RFX2: variants seen among roughly 807,000 people sequenced by gnomAD.
RFX2 encodes DNA-binding protein RFX2.
Under a neutral mutation model 87.8 loss-of-function variants are expected in RFX2, and 20 were observed. The observed-to-expected ratio is 0.23, with a 90% CI of 0.16 to 0.33. RFX2 has a LOEUF of 0.33. Ranked by LOEUF, RFX2 falls within the 10% of genes least tolerant of loss-of-function variation. RFX2 has a pLI of 1.00. For synonymous variants in RFX2, 397 were observed against 431.3 expected (o/e 0.92, Z 0.98); for missense variants, 767 against 1,012.3 (o/e 0.76, Z 3.29).
rs2087069756 is a variant in RFX2, at chr19:6,039,345, G to T, written c.522+635C>A. 6.6e-6 allele frequency among the ~76,000 whole-genome samples: 1 copy of T among 152,202 alleles called. No homozygotes were observed. Among genetic ancestry groups the T allele is most frequent in the Admixed American group, 6.5e-5 (1 of 15,284 alleles). ...GACTGCCAAGAAATACCACGAGGGG[G>T]TTTTCAGGGCAATGCACTGTTCTGT... On this transcript the variant is annotated intron_variant, in intron 5 of 17. Coordinates refer to ENST00000303657, the MANE Select transcript of RFX2 (RefSeq NM_000635.4). The surrounding 1 kb of genome is among the most constrained non-coding windows in gnomAD (Gnocchi z 5.2).
In RFX2 at chr19:6,017,278, G is replaced by T. The variant is rs1208545719; in HGVS notation, c.598-1007C>A. On this transcript the variant is annotated intron_variant, in intron 6 of 17. Coordinates refer to ENST00000303657, the MANE Select transcript of RFX2 (RefSeq NM_000635.4). This position sits in a 1 kb window ranked among gnomAD's most constrained non-coding sequence, Gnocchi z 4.1. ...AAAAGATGGGCTAAATGAGTCCCGAGCCAAGGACTATGCCTCGAGAGGTGA... is the reference window on the plus strand; with the variant it reads ...AAAAGATGGGCTAAATGAGTCCCGATCCAAGGACTATGCCTCGAGAGGTGA... 6.6e-6 allele frequency among the ~76,000 whole-genome samples: 1 copy of T among 152,174 alleles called. No individual in the cohort carries two copies. The highest frequency in any genetic ancestry group is 6.5e-5 in the Admixed American group (1 of 15,272).
intron 5 of RFX2, among the ~76,000 whole-genome samples, chr19:6,032,190 C>T (rs1284437113): frequency 2.0e-5 from 3 of 152,022 alleles, no homozygotes; most frequent in Middle Eastern, 3.2e-3. Context: ...GGCGCGATCT[C>T]GGCTCACTGC....
chr19:6,043,977 A>T (rs1042389772), intron 3 of RFX2, among the ~76,000 whole-genome samples: 2 of 152,216 alleles, frequency 1.3e-5, no homozygotes, highest in African/African-American at 4.8e-5. Flanking sequence ...TGAATGAACG[A>T]AAGATCACCA....
chr19:6,081,210 T>C (rs922874313), intron 1 of RFX2, among the ~76,000 whole-genome samples: 3 of 152,120 alleles, frequency 2.0e-5, no homozygotes, highest in Non-Finnish European at 2.9e-5. Flanking sequence ...AAAAAGTTCA[T>C]AATAAGTCTG....
In RFX2 at chr19:6,008,125, A is replaced by G; in HGVS notation, c.1115T>C (p.Val372Ala). Residue 372 changes from valine (V) to alanine (A), a missense_variant, in exon 10 of 18, where the codon GTG (valine) becomes GCG (alanine). Around this residue, in one of 2 missense-constraint regions of RFX2, gnomAD observed 621 missense variants for 873.0 expected, o/e 0.71. Transcript: ENST00000303657. ...GGTCACCTCGCAGTGCCGTCTGTAC[A>G]CCAGCTGCAGGGCCTTGACGTCGTG... ...TLHDVKALQL[V>A]YRRHCEATVD... 6.4e-7 allele frequency: 1 copy of G among 1,551,940 alleles called. No individual in the cohort carries two copies. Among genetic ancestry groups the G allele is most frequent in the Middle Eastern group, 1.7e-4 (1 of 5,896 alleles).
At chr19:6,018,200 C>A (rs1054658379) in intron 6 of RFX2, among the ~76,000 whole-genome samples, 1 of 152,182 alleles carries the variant, frequency 6.6e-6, no homozygotes. Flanking sequence ...GAATTCCTGA[C>A]CTCAGGTGAT....
chr19:6,064,553 A>C lies in RFX2; in HGVS notation c.-8-17049T>G, dbSNP rs575060067. On this transcript the variant is annotated intron_variant, in intron 1 of 17. Coordinates refer to ENST00000303657, the MANE Select transcript of RFX2 (RefSeq NM_000635.4). The surrounding 1 kb of genome is among the most constrained non-coding windows in gnomAD (Gnocchi z 4.8). ...AAATGACAAGTGACAGTTCCTCAGC[A>C]GTAGCATCTCCTGCTTTCTCAGCCT... 6.6e-5 allele frequency among the ~76,000 whole-genome samples: 10 copies of C among 152,354 alleles called. No individual in the cohort carries two copies. Among genetic ancestry groups the C allele is most frequent in the Middle Eastern group, 3.4e-3 (1 of 294 alleles).
intron 1 of RFX2, chr19:6,073,576 T>G: frequency 2.6e-6 from 1 of 383,516 alleles, no homozygotes; most frequent in Non-Finnish European, 4.6e-6. Context: ...CCATAAAAAC[T>G]GCAAAAAGAT....
chr19:6,010,297 T>C lies in RFX2; in HGVS notation c.900-46A>G. The C allele has an allele frequency of 7.6e-7, 1 of 1,321,184 alleles. No individual in the cohort carries two copies. The highest frequency in any genetic ancestry group is 1.1e-6 in the Non-Finnish European group (1 of 945,972). The allele number at this position is 1,321,184 out of a possible 1,614,324, so 81.8% of individuals were successfully genotyped here. On this transcript the variant is annotated intron_variant, in intron 8 of 17. Transcript: ENST00000303657. This position sits in a 1 kb window ranked among gnomAD's most constrained non-coding sequence, Gnocchi z 5.0. ...CCATCATGAGGCCCAGCAGCCCTGC[T>C]GCGGGTGGGCCCAAAGACTGGGGGG...
chr19:6,002,350 G>T lies in RFX2; in HGVS notation c.1651-327C>A, dbSNP rs1449896304. Among the ~76,000 whole-genome samples, 1 of 152,250 alleles carries T rather than the reference G, an allele frequency of 6.6e-6. No homozygotes were observed. The highest frequency in any genetic ancestry group is 2.4e-5 in the African/African-American group (1 of 41,474). The stretch of plus-strand genomic sequence containing the variant: ...TTTATTTATTTAATGGATAGACGCA[G>T]GGCCTGAAATAAGCATAGCTCGGAA... On this transcript the variant is annotated intron_variant, in intron 14 of 17. Transcript: ENST00000303657. The surrounding 1 kb of genome is among the most constrained non-coding windows in gnomAD (Gnocchi z 6.7).
rs2086652103 is a variant in RFX2 at position 6,010,942 on chromosome 19, C to A, written c.900-691G>T. 6.6e-6 allele frequency among the ~76,000 whole-genome samples: 1 copy of A among 152,022 alleles called. No homozygotes were observed. Among genetic ancestry groups the A allele is most frequent in the East Asian group, 1.9e-4 (1 of 5,186 alleles). ...GACCAGCCTGACCAACATGGAGTAACCCCGTCTCTACTAAAAATACAAAAT... is the reference window on the plus strand; with the variant it reads ...GACCAGCCTGACCAACATGGAGTAAACCCGTCTCTACTAAAAATACAAAAT... On this transcript the variant is annotated intron_variant, in intron 8 of 17. Coordinates refer to ENST00000303657, the MANE Select transcript of RFX2 (RefSeq NM_000635.4). The surrounding 1 kb of genome is among the most constrained non-coding windows in gnomAD (Gnocchi z 5.0).
intron 1 of RFX2, among the ~76,000 whole-genome samples, chr19:6,094,213 G>T (rs1206631294): frequency 6.6e-6 from 1 of 151,836 alleles, no homozygotes; most frequent in East Asian, 1.9e-4. Context: ...GAGAGAGGAA[G>T]AAGCAGCCAG....
chr19:6,019,544 G>A (rs866855852), intron 6 of RFX2, among the ~76,000 whole-genome samples: 40 of 143,172 alleles, frequency 2.8e-4, no homozygotes, highest in African/African-American at 8.4e-4. Flanking sequence ...GTGTGTGTGT[G>A]TATATACTTT....
At position 6,012,962 on chromosome 19, in the gene RFX2, C is replaced by T. The variant is rs780885926; in HGVS notation, c.899+24G>A. On this transcript the variant is annotated intron_variant, in intron 8 of 17. Coordinates refer to ENST00000303657, the MANE Select transcript of RFX2 (RefSeq NM_000635.4). The surrounding 1 kb of genome is among the most constrained non-coding windows in gnomAD (Gnocchi z 4.6). The stretch of plus-strand genomic sequence containing the variant: ...CCATGCTCCAGGGGAGAGCCAGCTC[C>T]TCCCAGCTCGGCCCGGCACCCACCT... The T allele has an allele frequency of 6.7e-6, 10 of 1,495,678 alleles. No homozygotes were observed. Among genetic ancestry groups the T allele is most frequent in the African/African-American group, 1.4e-5 (1 of 70,532 alleles). 92.7% of individuals were successfully genotyped at this position (1,495,678 alleles called of 1,614,324 possible).
At chr19:6,005,481 A>G (rs1442290954) in intron 12 of RFX2, among the ~76,000 whole-genome samples, 1 of 151,988 alleles carries the variant, frequency 6.6e-6, no homozygotes, top group Non-Finnish European at 1.5e-5. Flanking sequence ...GGTTTTGGGG[A>G]GCTTGGCACG....
At chr19:6,108,111 A>G (rs940376477) in intron 1 of RFX2, among the ~76,000 whole-genome samples, 1 of 152,168 alleles carries the variant, frequency 6.6e-6, no homozygotes, top group Non-Finnish European at 1.5e-5. Flanking sequence ...CTCATTCCCA[A>G]CCCAAGTCCG....
intron 1 of RFX2, among the ~76,000 whole-genome samples, chr19:6,098,232 T>C (rs1270508727): frequency 1.3e-5 from 2 of 152,306 alleles, no homozygotes; most frequent in African/African-American, 4.8e-5. Flanking sequence ...CTGAAGTTTA[T>C]CCCAGCCTCA....
In RFX2 at chr19:6,040,175, GAAGT is replaced by G; in HGVS notation, c.323_326del (p.Tyr108SerfsTer9). The G allele has an allele frequency of 6.3e-7, 1 of 1,598,890 alleles. No homozygotes were observed. Among genetic ancestry groups the G allele is most frequent in the Non-Finnish European group, 8.6e-7 (1 of 1,168,514 alleles). On this transcript the variant is annotated frameshift_variant, in exon 5 of 18. Transcript: ENST00000303657. LOFTEE classifies it high-confidence loss of function. The surrounding 1 kb of genome is among the most constrained non-coding windows in gnomAD (Gnocchi z 6.1). The stretch of plus-strand genomic sequence containing the variant: ...TCACCTGGGCACCGCCTGGGGCCTC[GAAGT>G]AAGAAGCCGTGCTGCTGGGGGCGTA...
intron 12 of RFX2, 31 bp downstream of exon 12, chr19:6,006,981 G>A: frequency 1.2e-6 from 2 of 1,610,052 alleles, no homozygotes; most frequent in Non-Finnish European, 1.7e-6. Flanking sequence ...AGAGGATGGA[G>A]CAGCGCCGGG....
Sources: allele counts gnomAD v4.1 joint callset (sites outside exome capture counted in the v4.1 genomes callset), GRCh38; gene constraint gnomAD v4.1.1; regional missense constraint gnomAD v4.1.1; non-coding constraint Gnocchi (gnomAD v3.1); transcripts MANE v1.5; gene names NCBI Gene and HGNC (gene_info 2026-07-23, HGNC 2026-07-21).